Variants in PREX1 observed in about 807,000 individuals in gnomAD.
PREX1 encodes phosphatidylinositol 3,4,5-trisphosphate-dependent Rac exchanger 1 protein.
In PREX1, 41 loss-of-function variants were observed where a neutral mutation model predicts 198.3. The observed-to-expected ratio is 0.21, with a 90% CI of 0.16 to 0.27. PREX1 has a LOEUF of 0.27. PREX1 is among the 10% of genes least tolerant of loss of function. PREX1 has a pLI of 1.00. For missense variants in PREX1, 1,620 were observed against 2,200.7 expected, an observed-to-expected ratio of 0.74 and a Z score of 5.28; for synonymous variants, 843 against 887.2, an observed-to-expected ratio of 0.95 and a Z score of 0.89.
intron 4 of PREX1, among the ~76,000 whole-genome samples, chr20:48,732,452 T>C (rs924801108): frequency 6.6e-5 from 10 of 152,166 alleles, no homozygotes; most frequent in African/African-American, 2.4e-4. Context: ...ATTGTTCTAC[T>C]TTTATATACT....
chr20:48,627,996 G>A lies in PREX1; in HGVS notation c.4767-33C>T, dbSNP rs574982188. ...AGGGGAGGGAGGACAGCGGGTTGGC[G>A]GTGGGGGGACAGGGGTCGGGGGAGG... is the stretch of plus-strand genomic sequence containing the variant. On this transcript the variant is annotated intron_variant, in intron 37 of 39. Transcript: ENST00000371941. 4.7e-4 allele frequency: 641 copies of A among 1,365,780 alleles called. 11 individuals are homozygous for A. Among genetic ancestry groups the A allele is most frequent in the Middle Eastern group, 3.6e-3 (14 of 3,904 alleles). 84.6% of individuals were successfully genotyped at this position (1,365,780 alleles called of 1,614,324 possible).
intron 37 of PREX1, 124 bp downstream of exon 37, chr20:48,629,325 C>G: frequency 7.7e-7 from 1 of 1,307,018 alleles, no homozygotes; most frequent in Non-Finnish European, 1.1e-6. Context: ...AGCCAAGGCT[C>G]TACAGGCAAT....
At position 48,651,025 on chromosome 20, in the gene PREX1, C is replaced by T. The variant is rs753454119; in HGVS notation, c.2686G>A (p.Val896Ile). 3.1e-6 allele frequency: 5 copies of T among 1,614,164 alleles called. No homozygotes were observed. The highest frequency in any genetic ancestry group is 2.2e-5 in the East Asian group (1 of 44,890). ...AGCCGCCTGCAGTTCTCCACGAAGA[C>T]GCTGTCATTGGCAGCAAAGGCCTCG... is the stretch of plus-strand genomic sequence containing the variant. Reference protein sequence around the residue: ...ILEAFAANDSVFVENCRRLMA... With the variant: ...ILEAFAANDSIFVENCRRLMA... Residue 896 changes from valine to isoleucine, a missense_variant, in exon 23 of 40, where the codon GTC (valine) becomes ATC (isoleucine). By Grantham distance (29) the Val-to-Ile change is conservative. Coordinates refer to ENST00000371941, the MANE Select transcript of PREX1 (RefSeq NM_020820.4).
chr20:48,746,996 ACACACACAC>A (rs2090111403), intron 2 of PREX1, among the ~76,000 whole-genome samples: 1 of 58,188 alleles, frequency 1.7e-5, no homozygotes, highest in African/African-American at 7.6e-5. Context: ...ACACACACAC[ACACACACAC>A]ACACACCCCA....
intron 1 of PREX1, among the ~76,000 whole-genome samples, chr20:48,753,955 C>A (rs2090145463): frequency 6.6e-6 from 1 of 152,230 alleles, no homozygotes; most frequent in African/African-American, 2.4e-5. Context: ...TCAGTATCAT[C>A]TCCCTCACTA....
intron 16 of PREX1, among the ~76,000 whole-genome samples, chr20:48,658,916 A>G (rs945692395): frequency 1.3e-5 from 2 of 152,052 alleles, no homozygotes; most frequent in African/African-American, 4.8e-5. Flanking sequence ...GGAGGCCCCA[A>G]GGCACTGGAG....
At chr20:48,811,344 C>G (rs1041125438) in intron 1 of PREX1, among the ~76,000 whole-genome samples, 1 of 152,104 alleles carries the variant, frequency 6.6e-6, no homozygotes, top group African/African-American at 2.4e-5. Context: ...CAATCCCGTG[C>G]AGGCTGACAA....
At chr20:48,887,689 G>T in the PREX1 span, among the ~76,000 whole-genome samples, 60 of 152,074 alleles carry the variant, frequency 3.9e-4, 1 homozygote, top group South Asian at 0.012. Context: ...ATTCACGCCT[G>T]TAATCCCAGC....
intron 32 of PREX1, 63 bp downstream of exon 32, chr20:48,636,400 C>G: frequency 2.0e-6 from 3 of 1,499,410 alleles, no homozygotes; most frequent in Non-Finnish European, 2.7e-6. Context: ...GCTCCCTCGA[C>G]CCGGCCTGGG....
intron 1 of PREX1, among the ~76,000 whole-genome samples, chr20:48,763,625 C>A (rs866156597): frequency 2.6e-5 from 4 of 152,170 alleles, no homozygotes; most frequent in Middle Eastern, 3.2e-3. Flanking sequence ...GGCGAGCAGT[C>A]CCCCCTTAGC....
intron 29 of PREX1, 97 bp downstream of exon 29, chr20:48,642,071 A>G: frequency 8.0e-7 from 1 of 1,249,602 alleles, no homozygotes; most frequent in Non-Finnish European, 1.2e-6. Context: ...GTCGTTCAGC[A>G]GTAGGAGGGC....
Position 48,734,648 on chromosome 20 carries a change from C to T in PREX1, c.417G>A (p.Lys139=). 6.2e-7 allele frequency: 1 copy of T among 1,613,750 alleles called. No homozygotes were observed. The highest frequency in any genetic ancestry group is 8.5e-7 in the Non-Finnish European group (1 of 1,179,674). The part of the protein sequence containing the change: ...HELGNVFLKF[K]DKFCVYEEYC... ...ACTCCTCGTACACGCAGAACTTGTCCTTCTGCAAGACAAGGACAGAGCCTG... is the reference window on the plus strand; with the variant it reads ...ACTCCTCGTACACGCAGAACTTGTCTTTCTGCAAGACAAGGACAGAGCCTG... The change falls in exon 4 of 40, where the codon AAG becomes AAA. Residue 139 remains lysine (K), a splice_region_variant and synonymous_variant. Coordinates refer to ENST00000371941, the MANE Select transcript of PREX1 (RefSeq NM_020820.4).
chr20:48,724,345 T>C (rs951019290), intron 5 of PREX1, among the ~76,000 whole-genome samples: 2 of 152,342 alleles, frequency 1.3e-5, no homozygotes, highest in African/African-American at 2.4e-5. Flanking sequence ...CCATGCTTAC[T>C]TGTCATAACA....
chr20:48,830,965 T>G (rs973144335), upstream of PREX1, among the ~76,000 whole-genome samples: 1 of 152,178 alleles, frequency 6.6e-6, no homozygotes, highest in Admixed American at 6.5e-5. Context: ...ATTGATAGCT[T>G]AAAGCATAAG....
chr20:48,841,089 A>C, the PREX1 span, among the ~76,000 whole-genome samples: 1 of 151,824 alleles, frequency 6.6e-6, no homozygotes, highest in Admixed American at 6.6e-5. Flanking sequence ...ATGCCCAGCT[A>C]ATTTCATGTT....
chr20:48,669,662 CTCTG>C (rs1214871510), intron 14 of PREX1, among the ~76,000 whole-genome samples: 2 of 152,024 alleles, frequency 1.3e-5, no homozygotes, highest in African/African-American at 4.8e-5. Flanking sequence ...CTGTCTCGGT[CTCTG>C]TCTATAGTGG....
intron 1 of PREX1, among the ~76,000 whole-genome samples, chr20:48,813,405 C>A (rs2090445007): frequency 6.6e-6 from 1 of 152,138 alleles, no homozygotes; most frequent in Non-Finnish European, 1.5e-5. Context: ...AGATCCTGGA[C>A]TGGGGGTGGG....
At chr20:48,840,692 T>A in the PREX1 span, among the ~76,000 whole-genome samples, 2 of 152,166 alleles carry the variant, frequency 1.3e-5, no homozygotes, top group Middle Eastern at 3.2e-3. Context: ...CCCCACAGAG[T>A]GCTTTGGGCA....
At chr20:48,783,826 A>G (rs897400599) in intron 1 of PREX1, among the ~76,000 whole-genome samples, 1 of 152,196 alleles carries the variant, frequency 6.6e-6, no homozygotes, top group Non-Finnish European at 1.5e-5. Context: ...AAGAAAAGTC[A>G]TTGTCTTCAA....
Sources: gnomAD v4.1 joint callset for allele counts (sites outside exome capture counted in the v4.1 genomes callset) on GRCh38, gnomAD v4.1.1 for gene constraint, MANE v1.5 for transcripts, NCBI Gene and HGNC (gene_info 2026-07-23, HGNC 2026-07-21) for gene names.